CTIF: variants seen among roughly 807,000 people sequenced by gnomAD.
CTIF encodes the protein CBP80/20-dependent translation initiation factor.
CTIF carries 21 observed loss-of-function variants against 66.0 expected under a neutral mutation model. The observed-to-expected ratio is 0.32, with a 90% CI of 0.23 to 0.46. The LOEUF is 0.46. Ranked by LOEUF, CTIF falls within the 20% of genes least tolerant of loss-of-function variation. CTIF has a pLI of 1.00. For missense variants in CTIF, 739 were observed against 812.7 expected (o/e 0.91, Z 1.10); for synonymous variants, 345 against 326.4 (o/e 1.06, Z -0.62).
Position 48,851,524 on chromosome 18 carries a change from C to A in CTIF, c.1528-6064C>A, listed in dbSNP as rs574985003. ...TTGAGAGCCTCTAGTGCCTGGCAGG[C>A]CCTGGCTCTTCTCGAAATTTCTCAT... On this transcript the variant is annotated intron_variant, in intron 10 of 11. Coordinates refer to ENST00000256413, the MANE Select transcript of CTIF (RefSeq NM_014772.3). 8.5e-5 allele frequency among the ~76,000 whole-genome samples: 13 copies of A among 152,252 alleles called. No individual in the cohort carries two copies. The East Asian group carries it at 2.5e-3, about 29-fold the overall frequency.
chr18:48,723,146 C>T (rs1038465491), intron 7 of CTIF, among the ~76,000 whole-genome samples: 7 of 152,172 alleles, frequency 4.6e-5, no homozygotes, highest in Non-Finnish European at 8.8e-5. Flanking sequence ...CTCTGGGACC[C>T]CCTCCTTCCC....
Position 48,859,786 on chromosome 18 carries a change from GGGAAGCATGTTTCTTTTT to G in CTIF, c.*228_*245del, listed in dbSNP as rs1175829917. ...CGAGCATGCAAGCTCACACCAATAA[GGGAAGCATGTTTCTTTTT>G]CCTGGTGGCCCTGGCCCTCCCCTTC... is the stretch of plus-strand genomic sequence containing the variant. On this transcript the variant is annotated 3_prime_UTR_variant, in exon 12 of 12. Transcript: ENST00000256413. 2 of 688,962 alleles carry G rather than the reference GGGAAGCATGTTTCTTTTT, an allele frequency of 2.9e-6. No individual in the cohort carries two copies. The highest frequency in any genetic ancestry group is 3.5e-5 in the African/African-American group (2 of 56,914). The allele number at this position is 688,962 out of a possible 1,614,324, so 42.7% of individuals were successfully genotyped here.
intron 1 of CTIF, among the ~76,000 whole-genome samples, chr18:48,578,130 C>T (rs1427600016): frequency 2.0e-5 from 3 of 152,088 alleles, no homozygotes; most frequent in African/African-American, 4.8e-5. Flanking sequence ...AAGGTTCATC[C>T]ATGTTGTGGC....
chr18:48,601,600 A>T (rs142641027), intron 1 of CTIF, among the ~76,000 whole-genome samples: 1 of 152,214 alleles, frequency 6.6e-6, no homozygotes, highest in Non-Finnish European at 1.5e-5. Context: ...GTCTCAGGAC[A>T]GCTATAAACT....
At chr18:48,551,465 C>T (rs1470202817) in intron 1 of CTIF, among the ~76,000 whole-genome samples, 1 of 152,120 alleles carries the variant, frequency 6.6e-6, no homozygotes, top group African/African-American at 2.4e-5. Flanking sequence ...ATTTCTGTTG[C>T]TTTCAGCCAC....
intron 3 of CTIF, among the ~76,000 whole-genome samples, chr18:48,640,367 T>G (rs1422572466): frequency 6.6e-6 from 1 of 152,240 alleles, no homozygotes; most frequent in Non-Finnish European, 1.5e-5. Flanking sequence ...ACTTCTGGCC[T>G]AGGGCCTTGT....
At chr18:48,835,540 C>T (rs1287631479) in intron 10 of CTIF, among the ~76,000 whole-genome samples, 2 of 152,154 alleles carry the variant, frequency 1.3e-5, no homozygotes, top group East Asian at 1.9e-4. Context: ...GATTTTTCAT[C>T]GAGATCCTCA....
In CTIF at chr18:48,859,567, G is replaced by A. The variant is rs1408279526; in HGVS notation, c.*8G>A. ...CAGAAACTGACAGCCTGACAGCCAG[G>A]GGGCCTGGCAGGCGGCCCACGGGCA... On this transcript the variant is annotated 3_prime_UTR_variant, in exon 12 of 12. Coordinates refer to ENST00000256413, the MANE Select transcript of CTIF (RefSeq NM_014772.3). The A allele has an allele frequency of 9.3e-6, 15 of 1,613,538 alleles. No homozygotes were observed. Among genetic ancestry groups the A allele is most frequent in the Non-Finnish European group, 1.2e-5 (14 of 1,179,786 alleles).
intron 3 of CTIF, among the ~76,000 whole-genome samples, chr18:48,640,266 G>A (rs1009539834): frequency 6.6e-6 from 1 of 152,242 alleles, no homozygotes; most frequent in Non-Finnish European, 1.5e-5. Flanking sequence ...GACTCATGCT[G>A]TTGCCAAGCT....
intron 2 of CTIF, 47 bp downstream of exon 2, chr18:48,619,792 G>C: frequency 2.8e-6 from 4 of 1,447,606 alleles, no homozygotes; most frequent in Non-Finnish European, 3.7e-6. Context: ...TTCAGAGGGG[G>C]TGATGCAGGA....
At chr18:48,831,683 A>T (rs562502675) in intron 10 of CTIF, among the ~76,000 whole-genome samples, 1 of 152,410 alleles carries the variant, frequency 6.6e-6, no homozygotes, top group African/African-American at 2.4e-5. Flanking sequence ...GTGTAATTTT[A>T]CATGGCCTAG....
intron 9 of CTIF, among the ~76,000 whole-genome samples, chr18:48,780,535 G>A (rs547926091): frequency 7.7e-4 from 117 of 152,312 alleles, no homozygotes; most frequent in African/African-American, 2.7e-3. Flanking sequence ...TATCCAGCAC[G>A]TGGCACACGC....
chr18:48,800,174 C>T lies in CTIF; in HGVS notation c.1372-17047C>T, dbSNP rs116155815. On this transcript the variant is annotated intron_variant, in intron 9 of 11. Transcript: ENST00000256413. ...CATGGTGACAGGATGGATTTTTCTT[C>T]CCCACTCTACCAGTATTTCACAGTC... is the stretch of plus-strand genomic sequence containing the variant. Among the ~76,000 whole-genome samples the T allele has an allele frequency of 4.5e-3, 680 of 152,288 alleles. 5 individuals are homozygous for T. The highest frequency in any genetic ancestry group is 0.016 in the African/African-American group (659 of 41,558).
intron 11 of CTIF, 30 bp from the exon 12 acceptor site, chr18:48,859,314 G>A: frequency 6.2e-7 from 1 of 1,605,402 alleles, no homozygotes; most frequent in Non-Finnish European, 8.5e-7. Context: ...GGGACCCGAG[G>A]CCATCCTAAC....
At chr18:48,740,838 A>G (rs1388486711) in intron 7 of CTIF, among the ~76,000 whole-genome samples, 1 of 152,168 alleles carries the variant, frequency 6.6e-6, no homozygotes, top group Non-Finnish European at 1.5e-5. Flanking sequence ...TTCTAGAAAT[A>G]TTACAGTGTT....
chr18:48,577,282 T>A (rs1291041816), intron 1 of CTIF, among the ~76,000 whole-genome samples: 1 of 152,148 alleles, frequency 6.6e-6, no homozygotes. Flanking sequence ...AAGAAAATAG[T>A]CTTGTTGGCC....
chr18:48,658,266 TTGTA>T (rs2091278179), intron 3 of CTIF, among the ~76,000 whole-genome samples: 3 of 152,016 alleles, frequency 2.0e-5, no homozygotes, highest in Admixed American at 2.0e-4. Flanking sequence ...TATATGTGTC[TTGTA>T]TGTATATGTG....
intron 9 of CTIF, among the ~76,000 whole-genome samples, chr18:48,765,604 C>G (rs1339224115): frequency 2.0e-5 from 3 of 152,240 alleles, no homozygotes; most frequent in African/African-American, 4.8e-5. Context: ...TCTGAGGGCT[C>G]TTGCCAAGCT....
At chr18:48,834,046 C>A (rs1194102755) in intron 10 of CTIF, among the ~76,000 whole-genome samples, 2 of 152,154 alleles carry the variant, frequency 1.3e-5, no homozygotes, top group Non-Finnish European at 2.9e-5. Flanking sequence ...CCCTCCCCTC[C>A]CCTCCCGTTC....
Sources: allele counts gnomAD v4.1 joint callset (sites outside exome capture counted in the v4.1 genomes callset), GRCh38; gene constraint gnomAD v4.1.1; transcripts MANE v1.5; gene names NCBI Gene and HGNC (gene_info 2026-07-23, HGNC 2026-07-21).